CACNA1E: variants seen among roughly 807,000 people sequenced by gnomAD.
CACNA1E encodes calcium voltage-gated channel subunit alpha1 E.
CACNA1E carries 40 observed loss-of-function variants against 259.2 expected under a neutral mutation model. The ratio of observed to expected loss-of-function variants is 0.15; its 90% CI spans 0.12 to 0.20. The LOEUF (loss-of-function observed/expected upper bound fraction) is 0.20. Ranked by LOEUF, CACNA1E falls within the 10% of genes least tolerant of loss-of-function variation. The pLI, the probability that CACNA1E is intolerant of heterozygous loss-of-function variation, is 1.00. For synonymous variants in CACNA1E, 1,104 were observed against 1,138.5 expected (o/e 0.97, Z 0.61); for missense variants, 1,874 against 3,040.1 (o/e 0.62, Z 9.02).
At chr1:181,348,825 A>G (rs1652813827) in intron 1 of CACNA1E, among the ~76,000 whole-genome samples, 2 of 152,220 alleles carry the variant, frequency 1.3e-5, no homozygotes, top group Non-Finnish European at 2.9e-5. Flanking sequence ...ACTGGGCAGT[A>G]GAGCCTGTGG....
At chr1:181,608,543 C>G (rs1171603546) in intron 6 of CACNA1E, among the ~76,000 whole-genome samples, 1 of 152,062 alleles carries the variant, frequency 6.6e-6, no homozygotes, top group Non-Finnish European at 1.5e-5. Context: ...TAGAGGGAGG[C>G]AAGGAATGAC....
intron 1 of CACNA1E, among the ~76,000 whole-genome samples, chr1:181,331,130 T>G (rs1007287480): frequency 3.3e-5 from 5 of 152,212 alleles, no homozygotes; most frequent in African/African-American, 1.2e-4. Flanking sequence ...ACGGTGCAGA[T>G]TGCCTTGGAT....
chr1:181,464,600 C>G (rs1189889385), intron 2 of CACNA1E, among the ~76,000 whole-genome samples: 1 of 132,820 alleles, frequency 7.5e-6, no homozygotes, highest in African/African-American at 2.7e-5. Context: ...CTGTGAGTGG[C>G]TTTTTTTTTT....
chr1:181,608,852 C>T (rs1024666799), intron 6 of CACNA1E, among the ~76,000 whole-genome samples: 1 of 152,172 alleles, frequency 6.6e-6, no homozygotes, highest in African/African-American at 2.4e-5. Flanking sequence ...TTCCACATTT[C>T]TCCTTATTGA....
At chr1:181,391,751 G>A (rs1656294002) in intron 1 of CACNA1E, among the ~76,000 whole-genome samples, 1 of 152,168 alleles carries the variant, frequency 6.6e-6, no homozygotes, top group Admixed American at 6.5e-5. Context: ...CAGGAGTGTG[G>A]TGCAGTAAAT....
chr1:181,623,453 T>G (rs1334826001), intron 6 of CACNA1E, among the ~76,000 whole-genome samples: 1 of 152,230 alleles, frequency 6.6e-6, no homozygotes. Context: ...GGGTATTTTT[T>G]GGGCCCATAA....
chr1:181,439,316 G>C (rs984521720), intron 2 of CACNA1E, among the ~76,000 whole-genome samples: 5 of 142,816 alleles, frequency 3.5e-5, no homozygotes, highest in African/African-American at 1.3e-4. Flanking sequence ...TAGAAGGTTA[G>C]AGTTTCCCAA....
At chr1:181,726,906 A>G (rs1430827599) in intron 18 of CACNA1E, among the ~76,000 whole-genome samples, 1 of 152,150 alleles carries the variant, frequency 6.6e-6, no homozygotes, top group Non-Finnish European at 1.5e-5. Flanking sequence ...CAATAGGATG[A>G]GCTCATGGAT....
intron 16 of CACNA1E, among the ~76,000 whole-genome samples, chr1:181,723,622 G>A (rs539527275): frequency 1.1e-4 from 17 of 152,236 alleles, no homozygotes; most frequent in African/African-American, 3.9e-4. Flanking sequence ...CCTGCCTTAC[G>A]ATGACGATTG....
intron 1 of CACNA1E, among the ~76,000 whole-genome samples, chr1:181,345,415 TG>T: frequency 6.6e-6 from 1 of 152,314 alleles, no homozygotes; most frequent in Admixed American, 6.5e-5. Flanking sequence ...TATGGTTCAA[TG>T]TGGCCACATG....
At chr1:181,793,124 G>A (rs186919779) in intron 44 of CACNA1E, among the ~76,000 whole-genome samples, 457 of 152,320 alleles carry the variant, frequency 3.0e-3, no homozygotes, top group Non-Finnish European at 4.2e-3. Flanking sequence ...ATGGGACTGT[G>A]TCACTCAGGG....
chr1:181,491,123 G>C (rs1664279439), intron 1 of CACNA1E, among the ~76,000 whole-genome samples: 1 of 152,212 alleles, frequency 6.6e-6, no homozygotes, highest in African/African-American at 2.4e-5. Context: ...ATTTTCAACA[G>C]TCACTCACTA....
intron 1 of CACNA1E, among the ~76,000 whole-genome samples, chr1:181,506,735 C>T (rs1447666854): frequency 6.6e-6 from 1 of 152,138 alleles, no homozygotes; most frequent in Non-Finnish European, 1.5e-5. Context: ...GGCAGAAGCA[C>T]CTAGATGTAA....
intron 7 of CACNA1E, among the ~76,000 whole-genome samples, chr1:181,709,455 G>A (rs1477498232): frequency 1.3e-5 from 2 of 152,170 alleles, no homozygotes; most frequent in African/African-American, 2.4e-5. Flanking sequence ...TTTGGCAGGA[G>A]GGCCAGGTGT....
intron 6 of CACNA1E, among the ~76,000 whole-genome samples, chr1:181,650,743 G>T (rs1381850641): frequency 6.6e-6 from 1 of 152,192 alleles, no homozygotes; most frequent in African/African-American, 2.4e-5. Flanking sequence ...TAGAGTGCAA[G>T]TGATCACTCT....
intron 35 of CACNA1E, among the ~76,000 whole-genome samples, chr1:181,769,064 TGTCA>T (rs1480217158): frequency 6.6e-6 from 1 of 152,206 alleles, no homozygotes; most frequent in Non-Finnish European, 1.5e-5. Flanking sequence ...GGCTACGTGG[TGTCA>T]GGAAGTGGGA....
At chr1:181,573,308 T>C (rs933329013) in intron 3 of CACNA1E, among the ~76,000 whole-genome samples, 1 of 152,226 alleles carries the variant, frequency 6.6e-6, no homozygotes, top group Admixed American at 6.5e-5. Flanking sequence ...GTTATAATTA[T>C]TTCTTTTATG....
At chr1:181,612,486 T>G (rs192239699) in intron 6 of CACNA1E, among the ~76,000 whole-genome samples, 8 of 152,300 alleles carry the variant, frequency 5.3e-5, no homozygotes, top group Middle Eastern at 3.4e-3. Context: ...GGCTGATCAA[T>G]CAGGTTTGTG....
chr1:181,746,668 C>CT (rs1415192596), intron 25 of CACNA1E, among the ~76,000 whole-genome samples: 2 of 151,794 alleles, frequency 1.3e-5, no homozygotes, highest in East Asian at 3.9e-4. Flanking sequence ...TCATCTGTAA[C>CT]TTTTTTTTTC....
Sources: allele counts gnomAD v4.1 joint callset (sites outside exome capture counted in the v4.1 genomes callset), GRCh38; gene constraint gnomAD v4.1.1; transcripts MANE v1.5; gene names NCBI Gene and HGNC (gene_info 2026-07-23, HGNC 2026-07-21).